Variants in SSPN observed in about 807,000 individuals in gnomAD.
SSPN encodes the protein K-ras oncogene-associated protein.
In SSPN, 15 loss-of-function variants were observed where a neutral mutation model predicts 19.1. The ratio of observed to expected loss-of-function variants is 0.78; its 90% CI spans 0.52 to 1.21. The LOEUF is 1.21. Among genes scored for constraint, SSPN ranks in the 50% most tolerant of loss-of-function variants. The pLI, the probability that SSPN is intolerant of heterozygous loss-of-function variation, is 0.00. For missense variants in SSPN, 291 were observed against 314.0 expected (o/e 0.93, Z 0.55); for synonymous variants, 147 against 140.3 (o/e 1.05, Z -0.34).
chr12:26,188,080 T>A (rs1944765341), intron 1 of SSPN, among the ~76,000 whole-genome samples: 1 of 152,204 alleles, frequency 6.6e-6, no homozygotes, highest in African/African-American at 2.4e-5. Flanking sequence ...TACTTATAGT[T>A]CATAGCAACC....
intron 1 of SSPN, among the ~76,000 whole-genome samples, chr12:26,162,385 A>G (rs1236615909): frequency 6.6e-6 from 1 of 152,184 alleles, no homozygotes; most frequent in African/African-American, 2.4e-5. Flanking sequence ...CACATTTGCT[A>G]TTCTTATCCT....
chr12:26,232,802 A>G lies in SSPN; in HGVS notation c.*1726A>G, dbSNP rs1945247197. The stretch of plus-strand genomic sequence containing the variant: ...TTTAAAAATGGCCTTCCTACACATT[A>G]GCTCCAGCTAAAAAGACACATTGGA... On this transcript the variant is annotated 3_prime_UTR_variant, in exon 3 of 3. Transcript: ENST00000242729. The G allele has an allele frequency of 1.3e-6, 1 of 784,532 alleles. No individual in the cohort carries two copies. The highest frequency in any genetic ancestry group is 1.5e-6 in the Non-Finnish European group (1 of 646,318). 48.6% of individuals were successfully genotyped at this position (784,532 alleles called of 1,614,324 possible).
At chr12:26,223,174 G>A (rs570487154) in intron 1 of SSPN, among the ~76,000 whole-genome samples, 11 of 152,024 alleles carry the variant, frequency 7.2e-5, no homozygotes, top group African/African-American at 1.4e-4. Context: ...AATCCATCCC[G>A]TATCCCCAGA....
intron 1 of SSPN, among the ~76,000 whole-genome samples, chr12:26,212,326 A>C (rs1235504144): frequency 6.6e-6 from 1 of 152,206 alleles, no homozygotes; most frequent in Non-Finnish European, 1.5e-5. Flanking sequence ...AGCTAGACTT[A>C]GGTGTGATTG....
intron 1 of SSPN, among the ~76,000 whole-genome samples, chr12:26,218,452 A>G (rs1401384176): frequency 6.8e-6 from 1 of 147,732 alleles, no homozygotes; most frequent in Non-Finnish European, 1.5e-5. Context: ...ACTAACCTGC[A>G]CAATGTGCAC....
Position 26,231,221 on chromosome 12 carries a change from A to C in SSPN, c.*145A>C, listed in dbSNP as rs1945229505. On this transcript the variant is annotated 3_prime_UTR_variant, in exon 3 of 3. Transcript: ENST00000242729. ...GAATATTTTTATATTTTTATGAAACAAAAGAGCATTTCTTCAGGTTTCTAT... is the reference window on the plus strand; with the variant it reads ...GAATATTTTTATATTTTTATGAAACCAAAGAGCATTTCTTCAGGTTTCTAT... The C allele has an allele frequency of 1.7e-6, 2 of 1,197,698 alleles. No individual in the cohort carries two copies. The highest frequency in any genetic ancestry group is 3.8e-5 in the South Asian group (2 of 52,630). The allele number at this position is 1,197,698 out of a possible 1,614,324, so 74.2% of individuals were successfully genotyped here. A position where few individuals can be genotyped will look rare whatever the true frequency, so the allele number is the denominator to read the frequency against.
intron 1 of SSPN, among the ~76,000 whole-genome samples, chr12:26,177,833 A>G (rs192408394): frequency 6.6e-6 from 1 of 152,154 alleles, no homozygotes; most frequent in Non-Finnish European, 1.5e-5. Flanking sequence ...AGGACCCTGC[A>G]TGGCACCCTC....
chr12:26,174,119 T>G (rs1027370942), intron 1 of SSPN, among the ~76,000 whole-genome samples: 1 of 152,212 alleles, frequency 6.6e-6, no homozygotes, highest in Non-Finnish European at 1.5e-5. Context: ...ACACCCTGCT[T>G]AAACCCAGTA....
chr12:26,217,002 G>C (rs202027651), intron 1 of SSPN, among the ~76,000 whole-genome samples: 2 of 142,008 alleles, frequency 1.4e-5, no homozygotes, highest in Non-Finnish European at 3.1e-5. Flanking sequence ...TTGAAGTCAG[G>C]TAGTGTGATG....
chr12:26,225,419 G>A (rs1591896787), intron 2 of SSPN, among the ~76,000 whole-genome samples: 1 of 152,068 alleles, frequency 6.6e-6, no homozygotes, highest in Non-Finnish European at 1.5e-5. Flanking sequence ...TACACAAAAT[G>A]TATGATATTA....
chr12:26,138,731 AT>A (rs146046741), intron 1 of SSPN, among the ~76,000 whole-genome samples: 3,023 of 152,176 alleles, frequency 0.02, 98 homozygotes, highest in African/African-American at 0.069. Context: ...AAGCCAAGAC[AT>A]TTTTTTAACC....
At chr12:26,194,279 T>A (rs1944806928), upstream of SSPN, among the ~76,000 whole-genome samples, 4 of 152,232 alleles carry the variant, frequency 2.6e-5, no homozygotes, top group South Asian at 8.3e-4. Flanking sequence ...TTTGAACATC[T>A]TTATATCCTA....
rs1308524503 is a variant in SSPN at position 26,232,565 on chromosome 12, T to C, written c.*1489T>C. On this transcript the variant is annotated 3_prime_UTR_variant, in exon 3 of 3. Coordinates refer to ENST00000242729, the MANE Select transcript of SSPN (RefSeq NM_005086.5). ...ATACACTTTACTAATCATGAAATTCTAACCTAAAAGGAAAACATTTTCCTG... is the reference window on the plus strand; with the variant it reads ...ATACACTTTACTAATCATGAAATTCCAACCTAAAAGGAAAACATTTTCCTG... The C allele has an allele frequency of 3.0e-6, 3 of 985,450 alleles. No individual in the cohort carries two copies. The highest frequency in any genetic ancestry group is 3.6e-6 in the Non-Finnish European group (3 of 829,924). 61.0% of individuals were successfully genotyped at this position (985,450 alleles called of 1,614,324 possible).
chr12:26,122,482 C>A, intron 1 of SSPN: 1 of 1,329,386 alleles, frequency 7.5e-7, no homozygotes, highest in East Asian at 3.4e-5. Context: ...CAGAAGGGGG[C>A]CGCGGCGGCC....
At chr12:26,224,744 G>A (rs1009298905) in intron 2 of SSPN, among the ~76,000 whole-genome samples, 2 of 151,858 alleles carry the variant, frequency 1.3e-5, no homozygotes, top group African/African-American at 4.8e-5. Flanking sequence ...TAATGAAGCA[G>A]TCTAAGTGTA....
chr12:26,191,264 TA>T (rs199654404), upstream of SSPN, among the ~76,000 whole-genome samples: 3,959 of 152,252 alleles, frequency 0.026, 73 homozygotes, highest in Middle Eastern at 0.044. Flanking sequence ...AAAAGCACCT[TA>T]AAAATAGGTG....
At chr12:26,202,863 C>T (rs969353896) in intron 1 of SSPN, among the ~76,000 whole-genome samples, 3 of 152,116 alleles carry the variant, frequency 2.0e-5, no homozygotes, top group Admixed American at 6.6e-5. Flanking sequence ...TCTGTTCTCA[C>T]GCTGCTATAA....
chr12:26,195,809 C>T lies in SSPN; in HGVS notation c.137C>T (p.Thr46Ile), dbSNP rs760403160. The part of the protein sequence containing the change: ...PKECGEEEPR[T>I]CCGCRFPLLL... Reference sequence around the variant, plus strand: ...GAGTGCGGGGAGGAGGAGCCCCGGACCTGCTGCGGCTGCCGGTTCCCGCTG... The same window carrying T: ...GAGTGCGGGGAGGAGGAGCCCCGGATCTGCTGCGGCTGCCGGTTCCCGCTG... The change falls in exon 1 of 3, where the codon ACC becomes ATC. Residue 46 changes from threonine to isoleucine, a missense_variant. Transcript: ENST00000242729. The T allele has an allele frequency of 6.5e-7, 1 of 1,536,470 alleles. No homozygotes were observed. The highest frequency in any genetic ancestry group is 8.7e-7 in the Non-Finnish European group (1 of 1,144,198).
chr12:26,173,842 G>A (rs575339153), intron 1 of SSPN, among the ~76,000 whole-genome samples: 3 of 152,240 alleles, frequency 2.0e-5, no homozygotes, highest in South Asian at 2.1e-4. Context: ...TGTGGCTTAC[G>A]TGGATGATTA....
Sources: gnomAD v4.1 joint callset for allele counts (sites outside exome capture counted in the v4.1 genomes callset) on GRCh38, gnomAD v4.1.1 for gene constraint, MANE v1.5 for transcripts, NCBI Gene and HGNC (gene_info 2026-07-23, HGNC 2026-07-21) for gene names.